The following PCDHGA8 variants were observed in gnomAD, a reference collection of about 807,000 sequenced individuals.
PCDHGA8 encodes the protein protocadherin gamma subfamily A, 8, also known as protocadherin gamma-A8.
In PCDHGA8, 45 loss-of-function variants were observed where a neutral mutation model predicts 59.2. The observed-to-expected ratio is 0.76, with a 90% CI of 0.60 to 0.98. The LOEUF is 0.98. Among genes scored for constraint, PCDHGA8 ranks in the 50% least tolerant of loss-of-function variants. The pLI is 0.00. For synonymous variants in PCDHGA8, 531 were observed against 519.0 expected (o/e 1.02, Z -0.32); for missense variants, 1,257 against 1,196.2 (o/e 1.05, Z -0.75).
chr5:141,410,415 T>C (rs1589759810), intron 1 of PCDHGA8: 1 of 1,614,066 alleles, frequency 6.2e-7, no homozygotes. Flanking sequence ...TCTGGACCTG[T>C]AGTTCCCCCC....
At chr5:141,422,209 C>G (rs1463323983) in intron 1 of PCDHGA8, 1 of 1,561,666 alleles carries the variant, frequency 6.4e-7, no homozygotes, top group East Asian at 2.2e-5. Context: ...TGGTGGAGGT[C>G]TCTTTACCAC....
chr5:141,479,616 C>A (rs1371541860), intron 1 of PCDHGA8: 2 of 152,232 alleles, frequency 1.3e-5, no homozygotes, highest in African/African-American at 4.8e-5. Flanking sequence ...TATAGGGAAA[C>A]CATGTCTCTT....
intron 1 of PCDHGA8, chr5:141,428,086 G>C: frequency 1.9e-6 from 3 of 1,609,122 alleles, no homozygotes; most frequent in Non-Finnish European, 1.7e-6. Context: ...CACAACGCTT[G>C]GCTGTCCTAC....
At chr5:141,462,122 C>A (rs1437400069) in intron 1 of PCDHGA8, among the ~76,000 whole-genome samples, 3 of 152,044 alleles carry the variant, frequency 2.0e-5, no homozygotes, top group Admixed American at 6.6e-5. Context: ...TGCACCCAGT[C>A]CAATTTTTTG....
intron 1 of PCDHGA8, chr5:141,478,942 C>G: frequency 1.7e-6 from 1 of 579,218 alleles, no homozygotes; most frequent in Non-Finnish European, 2.9e-6. Context: ...TCTAGGAATA[C>G]AAAAACTACC....
intron 1 of PCDHGA8, chr5:141,414,158 G>C: frequency 6.2e-7 from 1 of 1,602,572 alleles, no homozygotes; most frequent in Non-Finnish European, 8.5e-7. Context: ...GCAGAAGATG[G>C]AGGAGCATAT....
At position 141,409,172 on chromosome 5, in the gene PCDHGA8, G is replaced by T. The variant is rs574905228; in HGVS notation, c.2424+13935G>T. ...CACCATGGAAGTGGAAGCGAAGGAC[G>T]GAGGTGGTCTCTCTACCCAGTGTAA... On this transcript the variant is annotated intron_variant, in intron 1 of 3. Coordinates refer to ENST00000398604, the MANE Select transcript of PCDHGA8 (RefSeq NM_032088.2). The T allele has an allele frequency of 1.4e-5, 22 of 1,614,006 alleles. No homozygotes were observed. In the South Asian group the frequency reaches 2.4e-4, roughly 18 times the overall value.
chr5:141,401,109 C>G (rs1389316272), intron 1 of PCDHGA8, among the ~76,000 whole-genome samples: 2 of 152,012 alleles, frequency 1.3e-5, no homozygotes, highest in African/African-American at 2.4e-5. Flanking sequence ...TTTGGGAGGC[C>G]GAGGCGGTTG....
chr5:141,422,078 A>G lies in PCDHGA8; in HGVS notation c.2424+26841A>G, dbSNP rs1442545718. 11 of 1,612,298 alleles carry G rather than the reference A, an allele frequency of 6.8e-6. No homozygotes were observed. In the South Asian group the frequency reaches 8.8e-5, roughly 13 times the overall value. Reference sequence around the variant, plus strand: ...GGGGAAGTAATGTATTCATTTCGGAACATGGAAAGCAAGGCTTCTGAAATA... The same window carrying G: ...GGGGAAGTAATGTATTCATTTCGGAGCATGGAAAGCAAGGCTTCTGAAATA... On this transcript the variant is annotated intron_variant, in intron 1 of 3. Coordinates refer to ENST00000398604, the MANE Select transcript of PCDHGA8 (RefSeq NM_032088.2).
Position 141,491,699 on chromosome 5 carries a change from A to G in PCDHGA8, c.2425-3108A>G. The G allele has an allele frequency of 6.2e-7, 1 of 1,612,008 alleles. No individual in the cohort carries two copies. The highest frequency in any genetic ancestry group is 1.1e-5 in the South Asian group (1 of 90,926). ...TCTAATACGCTGCGGGAGCGGAGCC[A>G]GGTGAGGGGCTCGGCGCCGCCCCGG... On this transcript the variant is annotated intron_variant, in intron 1 of 3. Transcript: ENST00000398604. The surrounding 1 kb of genome is among the most constrained non-coding windows in gnomAD (Gnocchi z 6.9).
Position 141,394,841 on chromosome 5 carries a change from C to A in PCDHGA8, c.2028C>A (p.Gly676=). The A allele has an allele frequency of 6.2e-7, 1 of 1,613,852 alleles. No homozygotes were observed. Among genetic ancestry groups the A allele is most frequent in the Non-Finnish European group, 8.5e-7 (1 of 1,179,964 alleles). The change falls in exon 1 of 4, where the codon GGC becomes GGA. Residue 676 remains glycine, a synonymous_variant. Coordinates refer to ENST00000398604, the MANE Select transcript of PCDHGA8 (RefSeq NM_032088.2). ...TCCCCGAAGTCCTGACCGAGTTGGGCAGTCTGAAGCCTTCGGTCGACCCGA... is the reference window on the plus strand; with the variant it reads ...TCCCCGAAGTCCTGACCGAGTTGGGAAGTCTGAAGCCTTCGGTCGACCCGA... ...DSIPEVLTEL[G]SLKPSVDPND...
chr5:141,421,359 C>A (rs2096566292), intron 1 of PCDHGA8: 6 of 1,614,012 alleles, frequency 3.7e-6, no homozygotes, highest in Non-Finnish European at 5.1e-6. Context: ...AAAAGGGCTC[C>A]TTCGTGGGCA....
At chr5:141,462,503 A>G (rs1338834436) in intron 1 of PCDHGA8, among the ~76,000 whole-genome samples, 1 of 152,060 alleles carries the variant, frequency 6.6e-6, no homozygotes, top group East Asian at 1.9e-4. Context: ...ATAATTGTCA[A>G]CTAGATCAAG....
chr5:141,475,128 C>T (rs775275292), intron 1 of PCDHGA8, among the ~76,000 whole-genome samples: 3 of 151,894 alleles, frequency 2.0e-5, no homozygotes, highest in Non-Finnish European at 4.4e-5. Context: ...GGCTTTTTTT[C>T]TTTTTGAAAT....
intron 1 of PCDHGA8, chr5:141,403,099 C>T (rs762392585): frequency 2.5e-6 from 4 of 1,613,938 alleles, no homozygotes; most frequent in Non-Finnish European, 2.5e-6. Flanking sequence ...GCAACATCTC[C>T]AAGGACCTGG....
At chr5:141,399,402 G>T (rs2093800599) in intron 1 of PCDHGA8, 2 of 1,613,898 alleles carry the variant, frequency 1.2e-6, no homozygotes, top group Non-Finnish European at 1.7e-6. Context: ...ACAGGGGCAA[G>T]CCGCCCCTCT....
At chr5:141,488,146 A>G (rs1458115635) in intron 1 of PCDHGA8, among the ~76,000 whole-genome samples, 2 of 152,164 alleles carry the variant, frequency 1.3e-5, no homozygotes, top group South Asian at 4.1e-4. Context: ...AACTAAAGGA[A>G]TAGAGAGGCA....
At chr5:141,403,560 A>G in intron 1 of PCDHGA8, 1 of 1,613,972 alleles carries the variant, frequency 6.2e-7, no homozygotes, top group Non-Finnish European at 8.5e-7. Context: ...CTGGACAGGG[A>G]GGAGGCAACT....
At chr5:141,430,261 A>T (rs1236197353) in intron 1 of PCDHGA8, among the ~76,000 whole-genome samples, 1 of 152,104 alleles carries the variant, frequency 6.6e-6, no homozygotes, top group African/African-American at 2.4e-5. Context: ...CATCTCCATA[A>T]TAGGTGTGTT....
Sources: gnomAD v4.1 joint callset for allele counts (sites outside exome capture counted in the v4.1 genomes callset) on GRCh38, gnomAD v4.1.1 for gene constraint, Gnocchi (gnomAD v3.1) non-coding constraint, MANE v1.5 for transcripts, NCBI Gene and HGNC (gene_info 2026-07-23, HGNC 2026-07-21) for gene names.